The following ATRX variants were observed in gnomAD, a reference collection of about 807,000 sequenced individuals.
ATRX encodes ATRX chromatin remodeler.
A neutral mutation model predicts 172.6 loss-of-function variants in ATRX; 12 were observed. That is an observed-to-expected ratio of 0.07 (90% CI 0.04 to 0.11). The LOEUF is 0.11. ATRX is among the 10% of genes least tolerant of loss of function. The pLI is 1.00. For synonymous variants in ATRX, 674 were observed against 594.7 expected (o/e 1.13, Z -1.94); for missense variants, 1,368 against 1,767.4 (o/e 0.77, Z 4.05).
At chrX:77,621,593 A>G (rs185650903) in intron 19 of ATRX, among the ~76,000 whole-genome samples, 85 of 112,566 alleles carry the variant, frequency 7.6e-4, no homozygotes, top group African/African-American at 1.5e-3. Context: ...TTACCGGCAT[A>G]AGCCACCACG....
chrX:77,607,485 G>A (rs782548486), intron 22 of ATRX, among the ~76,000 whole-genome samples: 2 of 110,564 alleles, frequency 1.8e-5, no homozygotes, highest in Admixed American at 9.6e-5. Flanking sequence ...AGATCAATGC[G>A]GGTGGATCAC....
chrX:77,570,411 C>A (rs1360963689), intron 28 of ATRX, among the ~76,000 whole-genome samples: 1 of 109,150 alleles, frequency 9.2e-6, no homozygotes, highest in Non-Finnish European at 1.9e-5. Flanking sequence ...CTGGGCTCAG[C>A]CTCCCAAACC....
chrX:77,689,018 T>G, intron 6 of ATRX, 91 bp from the exon 7 acceptor site: 1 of 670,135 alleles, frequency 1.5e-6, no homozygotes, highest in Non-Finnish European at 2.4e-6. Flanking sequence ...GTATTAGACA[T>G]GAAATACCTC....
At chrX:77,759,972 C>T (rs1557192029) in intron 1 of ATRX, among the ~76,000 whole-genome samples, 3 of 111,108 alleles carry the variant, frequency 2.7e-5, no homozygotes, top group East Asian at 5.6e-4. Context: ...TTGCATTAAA[C>T]CTTTGAGCAT....
intron 29 of ATRX, 111 bp downstream of exon 29, chrX:77,558,558 T>C: frequency 2.9e-6 from 2 of 690,999 alleles, no homozygotes; most frequent in East Asian, 6.6e-5. Flanking sequence ...TGTACAGAAA[T>C]GGTATTTCCA....
intron 1 of ATRX, among the ~76,000 whole-genome samples, chrX:77,752,158 A>G (rs1258486809): frequency 8.9e-6 from 1 of 111,806 alleles, no homozygotes; most frequent in South Asian, 3.7e-4. Context: ...TATTTCCTCA[A>G]GCAGTGGTTT....
chrX:77,717,748 T>C (rs1557166228), intron 1 of ATRX, among the ~76,000 whole-genome samples: 1 of 111,614 alleles, frequency 9.0e-6, no homozygotes, highest in Non-Finnish European at 1.9e-5. Context: ...TACTGAGGTC[T>C]TTCAATGTAC....
chrX:77,558,899 T>C, intron 28 of ATRX, 53 bp from the exon 29 acceptor site: 1 of 998,845 alleles, frequency 1.0e-6, no homozygotes, highest in South Asian at 2.1e-5. Context: ...TTTACAAATA[T>C]TTTAATTACA....
rs45607332 is a variant in ATRX, at chrX:77,694,199, T to A, written c.371-262A>T. On this transcript the variant is annotated intron_variant, in intron 5 of 34. Coordinates refer to ENST00000373344, the MANE Select transcript of ATRX (RefSeq NM_000489.6). ...AGTGATTACAAAACAAATGTGTGAA[T>A]CAAACAGAAAGCCTCAACCCAGTTC... is the stretch of plus-strand genomic sequence containing the variant. 8.6e-4 allele frequency among the ~76,000 whole-genome samples: 96 copies of A among 111,968 alleles called. No individual in the cohort carries two copies. The East Asian group carries it at 0.02, about 23-fold the overall frequency.
intron 27 of ATRX, among the ~76,000 whole-genome samples, chrX:77,585,695 C>CTGTCTAT (rs1253906017): frequency 9.9e-6 from 1 of 101,315 alleles, no homozygotes; most frequent in Non-Finnish European, 2.0e-5. Flanking sequence ...CATATCTGCA[C>CTGTCTAT]TGTCTATTGT....
intron 21 of ATRX, 68 bp from the exon 22 acceptor site, chrX:77,616,798 A>C: frequency 2.7e-5 from 21 of 768,395 alleles, no homozygotes; most frequent in Non-Finnish European, 3.4e-5. Context: ...ACAAGTTCTC[A>C]TTGCTTATAA....
chrX:77,758,484 G>A (rs927164045), intron 1 of ATRX, among the ~76,000 whole-genome samples: 6 of 108,485 alleles, frequency 5.5e-5, no homozygotes, highest in Non-Finnish European at 9.6e-5. Context: ...CGCCGGGCAC[G>A]GTGGCTCACA....
chrX:77,767,924 G>A (rs2076030115), intron 1 of ATRX, among the ~76,000 whole-genome samples: 1 of 111,239 alleles, frequency 9.0e-6, no homozygotes. Context: ...AACTCAACAG[G>A]TCACTGAGAT....
At chrX:77,568,159 G>GAA (rs1159858312) in intron 28 of ATRX, among the ~76,000 whole-genome samples, 2 of 90,194 alleles carry the variant, frequency 2.2e-5, no homozygotes, top group East Asian at 3.4e-4. Context: ...ATTAAAATAG[G>GAA]AAAAAAAAAA....
At chrX:77,513,706 G>A (rs1379637940) in intron 34 of ATRX, among the ~76,000 whole-genome samples, 1 of 111,539 alleles carries the variant, frequency 9.0e-6, no homozygotes, top group Non-Finnish European at 1.9e-5. Context: ...ACAAGACAAG[G>A]ATGCCCTCTA....
At chrX:77,520,945 T>G in intron 33 of ATRX, 29 bp from the exon 34 acceptor site, 13 of 1,172,437 alleles carry the variant, frequency 1.1e-5, no homozygotes, top group Non-Finnish European at 1.5e-5. Context: ...ATTTACTCCT[T>G]ATTACTGTAC....
intron 20 of ATRX, among the ~76,000 whole-genome samples, 159 bp from the exon 21 acceptor site, chrX:77,619,140 T>C (rs1720513612): frequency 8.9e-6 from 1 of 111,956 alleles, no homozygotes; most frequent in African/African-American, 3.2e-5. Flanking sequence ...GTTATAAGTC[T>C]GATCTACAAG....
Position 77,506,458 on chromosome X carries a change from A to AC in ATRX, c.*1892dup, listed in dbSNP as rs2062708058. On this transcript the variant is annotated 3_prime_UTR_variant, in exon 35 of 35. Coordinates refer to ENST00000373344, the MANE Select transcript of ATRX (RefSeq NM_000489.6). Reference sequence around the variant, plus strand: ...TCTATGTCTTTGAGTAAATAATTAGACCATGTTGAAAATTCCCAGGTCTAG... The same window carrying AC: ...TCTATGTCTTTGAGTAAATAATTAGACCCATGTTGAAAATTCCCAGGTCTAG... 1 of 173,459 alleles carries AC rather than the reference A, an allele frequency of 5.8e-6. No homozygotes were observed. Among genetic ancestry groups the AC allele is most frequent in the Admixed American group, 8.0e-5 (1 of 12,570 alleles). 14.3% of individuals were successfully genotyped at this position (173,459 alleles called of 1,213,427 possible). A position where few individuals can be genotyped will look rare whatever the true frequency, so the allele number is the denominator to read the frequency against.
At chrX:77,714,939 T>C (rs1288960659) in intron 2 of ATRX, among the ~76,000 whole-genome samples, 2 of 111,890 alleles carry the variant, frequency 1.8e-5, no homozygotes, top group Admixed American at 9.5e-5. Flanking sequence ...TACCTACCTA[T>C]TTAGCTTTCC....
Sources: allele counts gnomAD v4.1 joint callset (sites outside exome capture counted in the v4.1 genomes callset), GRCh38; gene constraint gnomAD v4.1.1; transcripts MANE v1.5; gene names NCBI Gene and HGNC (gene_info 2026-07-23, HGNC 2026-07-21).